The following GNA14 variants were observed in gnomAD, a reference collection of about 807,000 sequenced individuals.
GNA14 encodes the protein G protein subunit alpha 14.
A neutral mutation model predicts 42.0 loss-of-function variants in GNA14; 50 were observed. The ratio of observed to expected loss-of-function variants is 1.19; its 90% CI spans 0.95 to 1.51. The LOEUF is 1.51. GNA14 is among the 40% of genes most tolerant of loss of function. The pLI is 0.00. For synonymous variants in GNA14, 173 were observed against 163.1 expected (o/e 1.06, Z -0.46); for missense variants, 473 against 446.2 (o/e 1.06, Z -0.54).
At chr9:77,569,895 C>G (rs894267555) in intron 1 of GNA14, among the ~76,000 whole-genome samples, 1 of 151,904 alleles carries the variant, frequency 6.6e-6, no homozygotes, top group African/African-American at 2.4e-5. Flanking sequence ...GCCTCCCCAA[C>G]AGCTGGGATT....
intron 1 of GNA14, among the ~76,000 whole-genome samples, chr9:77,551,495 A>G (rs1177149758): frequency 6.8e-6 from 1 of 146,616 alleles, no homozygotes; most frequent in Non-Finnish European, 1.5e-5. Flanking sequence ...CATCATATAC[A>G]TGCGCAGACA....
At chr9:77,581,785 G>T (rs1442996066) in intron 1 of GNA14, among the ~76,000 whole-genome samples, 1 of 152,164 alleles carries the variant, frequency 6.6e-6, no homozygotes, top group African/African-American at 2.4e-5. Flanking sequence ...CATTCCTGTG[G>T]ATGCTTCTCA....
rs540410024 is a variant in GNA14 at position 77,560,025 on chromosome 9, G to A, written c.125-30772C>T. On this transcript the variant is annotated intron_variant, in intron 1 of 6. Transcript: ENST00000341700. ...TGGCTACCCATGAGAATTACCTAGC[G>A]AGCTTTAAAAAAACTATGTGATGCC... Among the ~76,000 whole-genome samples the A allele has an allele frequency of 9.3e-4, 141 of 152,062 alleles. 1 individual carries two copies. The highest frequency in any genetic ancestry group is 1.7e-3 in the Non-Finnish European group (115 of 67,966).
intron 2 of GNA14, among the ~76,000 whole-genome samples, chr9:77,452,639 T>TCC (rs1311473705): frequency 7.8e-5 from 1 of 12,852 alleles, no homozygotes. Context: ...GTGCGGTGTG[T>TCC]GTGTTTGTGT....
chr9:77,459,991 ACGGACAAGTTCATTTCCCTCTCTG>A (rs1836076318), intron 2 of GNA14, among the ~76,000 whole-genome samples: 1 of 151,998 alleles, frequency 6.6e-6, no homozygotes, highest in Admixed American at 6.5e-5. Flanking sequence ...TGCATTTCTC[ACGGACAAGTTCATTTCCCTCTCTG>A]CTTTGGTCTC....
chr9:77,611,587 A>G (rs978481254), intron 1 of GNA14, among the ~76,000 whole-genome samples: 2 of 152,222 alleles, frequency 1.3e-5, no homozygotes, highest in Non-Finnish European at 2.9e-5. Context: ...TTACCTCCCA[A>G]CAATAGCCAT....
intron 1 of GNA14, among the ~76,000 whole-genome samples, chr9:77,586,370 T>C (rs1350701349): frequency 5.9e-5 from 9 of 152,104 alleles, no homozygotes; most frequent in Admixed American, 5.9e-4. Context: ...AATAAAGATA[T>C]ATAGTCAACA....
chr9:77,544,601 G>T (rs1006636407), intron 1 of GNA14, among the ~76,000 whole-genome samples: 1 of 149,664 alleles, frequency 6.7e-6, no homozygotes, highest in African/African-American at 2.5e-5. Context: ...TACTAAGGAG[G>T]CTAAAGCACG....
chr9:77,600,044 C>T (rs886424196), intron 1 of GNA14, among the ~76,000 whole-genome samples: 2 of 152,094 alleles, frequency 1.3e-5, no homozygotes, highest in Non-Finnish European at 2.9e-5. Flanking sequence ...TACTTTAAAA[C>T]ATCATTTGTA....
chr9:77,558,473 G>GAGT (rs924688792), intron 1 of GNA14, among the ~76,000 whole-genome samples: 1 of 152,078 alleles, frequency 6.6e-6, no homozygotes, highest in Admixed American at 6.6e-5. Flanking sequence ...TTCAAAGTTT[G>GAGT]AGTAGTAGTC....
At chr9:77,476,922 G>A (rs1026449084) in intron 2 of GNA14, among the ~76,000 whole-genome samples, 2 of 152,186 alleles carry the variant, frequency 1.3e-5, no homozygotes, top group Non-Finnish European at 2.9e-5. Context: ...CAGTGGGGTT[G>A]GCTCAGGGAA....
At chr9:77,563,419 A>C (rs960197910) in intron 1 of GNA14, among the ~76,000 whole-genome samples, 5 of 152,192 alleles carry the variant, frequency 3.3e-5, no homozygotes, top group Admixed American at 6.5e-5. Flanking sequence ...AAACACAGAT[A>C]ATGGCTGTAA....
intron 1 of GNA14, among the ~76,000 whole-genome samples, chr9:77,631,980 G>A (rs980434022): frequency 6.6e-6 from 1 of 152,156 alleles, no homozygotes. Flanking sequence ...TGCAGACCCA[G>A]GCATCCCTGT....
chr9:77,642,228 G>C (rs183475303), intron 1 of GNA14, among the ~76,000 whole-genome samples: 1 of 152,292 alleles, frequency 6.6e-6, no homozygotes, highest in East Asian at 1.9e-4. Context: ...AAAAGGTTCT[G>C]TATTCATTTA....
At chr9:77,496,165 AAAT>A (rs1836864724) in intron 2 of GNA14, among the ~76,000 whole-genome samples, 1 of 152,160 alleles carries the variant, frequency 6.6e-6, no homozygotes, top group Non-Finnish European at 1.5e-5. Context: ...TTCCTTTGGC[AAAT>A]AATGACATTT....
intron 1 of GNA14, among the ~76,000 whole-genome samples, chr9:77,552,141 A>AG (rs1387505100): frequency 6.7e-6 from 1 of 149,380 alleles, no homozygotes; most frequent in African/African-American, 2.5e-5. Context: ...AAAAAAAAAA[A>AG]AAAAAGAAAA....
intron 2 of GNA14, among the ~76,000 whole-genome samples, chr9:77,488,607 A>T (rs1385522656): frequency 2.6e-5 from 4 of 152,046 alleles, no homozygotes; most frequent in African/African-American, 9.7e-5. Context: ...CCATACTACT[A>T]AGAATCCCAT....
chr9:77,564,905 G>A (rs1196147424), intron 1 of GNA14, among the ~76,000 whole-genome samples: 1 of 151,936 alleles, frequency 6.6e-6, no homozygotes, highest in African/African-American at 2.4e-5. Context: ...CAGTCCAGGG[G>A]CGTTCTTCCA....
chr9:77,454,115 G>C (rs923914135), intron 2 of GNA14, among the ~76,000 whole-genome samples: 2 of 152,168 alleles, frequency 1.3e-5, no homozygotes. Flanking sequence ...GAACCGCATT[G>C]CCCAGCCTTC....
Sources: allele counts gnomAD v4.1 joint callset (sites outside exome capture counted in the v4.1 genomes callset), GRCh38; gene constraint gnomAD v4.1.1; transcripts MANE v1.5; gene names NCBI Gene and HGNC (gene_info 2026-07-23, HGNC 2026-07-21).